Variants in ALDH5A1 observed in about 807,000 individuals in gnomAD.
ALDH5A1 encodes aldehyde dehydrogenase 5 family member A1.
Under a neutral mutation model 54.7 loss-of-function variants are expected in ALDH5A1, and 33 were observed. The observed-to-expected ratio is 0.60, with a 90% CI of 0.46 to 0.81. The LOEUF is 0.81. Ranked by LOEUF, ALDH5A1 falls within the 30% of genes least tolerant of loss-of-function variation. ALDH5A1 has a pLI of 0.00. For synonymous variants in ALDH5A1, 294 were observed against 292.7 expected, an observed-to-expected ratio of 1.00 and a Z score of -0.05; for missense variants, 657 against 711.0, an observed-to-expected ratio of 0.92 and a Z score of 0.86.
chr6:24,529,129 T>C (rs1759877041), intron 8 of ALDH5A1, among the ~76,000 whole-genome samples: 1 of 152,192 alleles, frequency 6.6e-6, no homozygotes, highest in Non-Finnish European at 1.5e-5. Flanking sequence ...GGTTCAACCC[T>C]TTGGAGATAT....
rs73386193 is a variant in ALDH5A1, at chr6:24,533,231, G to T, written c.1403-276G>T. Among the ~76,000 whole-genome samples, 11,982 of 152,256 alleles carry T rather than the reference G, an allele frequency of 0.079. 653 individuals carry two copies. Among genetic ancestry groups the T allele is most frequent in the African/African-American group, 0.15 (6,187 of 41,528 alleles). On this transcript the variant is annotated intron_variant, in intron 9 of 9. Coordinates refer to ENST00000357578, the MANE Select transcript of ALDH5A1 (RefSeq NM_001080.3). ...CGAAAGGCTTGGGCAAAAATGTCGT[G>T]TGGAAATCTAACAGGTGTGCAGGTG...
In ALDH5A1 at chr6:24,503,392, G is replaced by A. The variant is rs1319121879; in HGVS notation, c.568G>A (p.Val190Ile). The change falls in exon 3 of 10, where the codon GTC becomes ATC. Residue 190 changes from valine to isoleucine, a missense_variant. Transcript: ENST00000357578. ...CCCGGCAAAGGACAGGCGGGCCCTG[G>A]TCCTCAAGCAGCCCATAGGCGTGGC... ...HTPAKDRRAL[V>I]LKQPIGVAAV... 6.2e-7 allele frequency: 1 copy of A among 1,613,616 alleles called. No individual in the cohort carries two copies. Among genetic ancestry groups the A allele is most frequent in the Non-Finnish European group, 8.5e-7 (1 of 1,180,002 alleles).
chr6:24,505,176 T>C (rs553165116), intron 4 of ALDH5A1, among the ~76,000 whole-genome samples, 191 bp downstream of exon 4: 1 of 152,310 alleles, frequency 6.6e-6, no homozygotes, highest in South Asian at 2.1e-4. Flanking sequence ...GGATGAGGGA[T>C]CTTCTGACAT....
chr6:24,495,120 G>T lies in ALDH5A1; in HGVS notation c.124G>T (p.Ala42Ser). 2 of 1,374,872 alleles carry T rather than the reference G, an allele frequency of 1.5e-6. No individual in the cohort carries two copies. The highest frequency in any genetic ancestry group is 3.5e-5 in the Admixed American group (1 of 28,610). The allele number at this position is 1,374,872 out of a possible 1,614,324, so 85.2% of individuals were successfully genotyped here. A position where few individuals can be genotyped will look rare whatever the true frequency, so the allele number is the denominator to read the frequency against. ...TGCCTCCGGGCCTGCGCCCGGCCCG[G>T]CCCAGCTCCGCTGCTACGCTGGGCG... ...VPASGPAPGPAQLRCYAGRLA... is the reference protein window; with the variant it reads ...VPASGPAPGPSQLRCYAGRLA... The change falls in exon 1 of 10, where the codon GCC becomes TCC. Residue 42 changes from alanine to serine, a missense_variant. Ala to Ser is a moderately conservative substitution (Grantham distance 99). This residue lies in a region of ALDH5A1 where 232 missense variants were observed against 194.6 expected (regional missense o/e 1.19). Coordinates refer to ENST00000357578, the MANE Select transcript of ALDH5A1 (RefSeq NM_001080.3).
intron 5 of ALDH5A1, among the ~76,000 whole-genome samples, chr6:24,519,491 G>A (rs1428645510): frequency 6.6e-6 from 1 of 152,064 alleles, no homozygotes; most frequent in Non-Finnish European, 1.5e-5. Flanking sequence ...CTTGAACCCA[G>A]AAGGTGGAGG....
chr6:24,522,616 C>A, intron 6 of ALDH5A1, 151 bp from the exon 7 acceptor site: 2 of 872,580 alleles, frequency 2.3e-6, no homozygotes, highest in Non-Finnish European at 3.7e-6. Context: ...TCTTTGGGGC[C>A]AAGCCCACGT....
intron 7 of ALDH5A1, among the ~76,000 whole-genome samples, chr6:24,523,489 G>T (rs807516): frequency 6.6e-6 from 1 of 151,990 alleles, no homozygotes; most frequent in Admixed American, 6.5e-5. Flanking sequence ...GTCTGGTCAT[G>T]AGCTGCTATA....
At chr6:24,531,570 T>C (rs1186157776) in intron 8 of ALDH5A1, among the ~76,000 whole-genome samples, 2 of 152,130 alleles carry the variant, frequency 1.3e-5, no homozygotes, top group African/African-American at 4.8e-5. Flanking sequence ...AACAGAAAAA[T>C]ATCACTGACA....
rs202042194 is a variant in ALDH5A1, at chr6:24,510,167, G to A, written c.727-5000G>A. ...CTTTATTCCACTGTGGTCTGAGAGA[G>A]TGCTTGATATAATTTCAATTTTCTT... On this transcript the variant is annotated intron_variant, in intron 4 of 9. Transcript: ENST00000357578. Among the ~76,000 whole-genome samples, 33 of 152,226 alleles carry A rather than the reference G, an allele frequency of 2.2e-4. No individual in the cohort carries two copies. In the South Asian group the frequency reaches 5.0e-3, roughly 23 times the overall value.
rs1581800500 is a variant in ALDH5A1, at chr6:24,495,083, C to G, written c.87C>G (p.Gly29=). ...GCTGCCGCCTCCGCCCCCGCGCCGG[C>G]GGCCTGGTCCCTGCCTCCGGGCCTG... is the stretch of plus-strand genomic sequence containing the variant. The part of the protein sequence containing the change: ...FPGCRLRPRA[G]GLVPASGPAP... Residue 29 remains glycine (G), a synonymous_variant, in exon 1 of 10, where the codon GGC becomes GGG. Coordinates refer to ENST00000357578, the MANE Select transcript of ALDH5A1 (RefSeq NM_001080.3). The G allele has an allele frequency of 7.6e-7, 1 of 1,315,418 alleles. No individual in the cohort carries two copies. Among genetic ancestry groups the G allele is most frequent in the Non-Finnish European group, 9.7e-7 (1 of 1,034,470 alleles). The allele number at this position is 1,315,418 out of a possible 1,614,324, so 81.5% of individuals were successfully genotyped here.
In ALDH5A1 at chr6:24,534,431, T is replaced by C. The variant is rs1226644682; in HGVS notation, c.*719T>C. The C allele has an allele frequency of 6.6e-6, 1 of 152,532 alleles. No individual in the cohort carries two copies. The highest frequency in any genetic ancestry group is 1.9e-4 in the East Asian group (1 of 5,192). 9.4% of individuals were successfully genotyped at this position (152,532 alleles called of 1,614,324 possible). On this transcript the variant is annotated 3_prime_UTR_variant, in exon 10 of 10. Transcript: ENST00000357578. ...ATTTCCTTGAGTAAATGAGCTGAAG[T>C]GTAAAGCAAAGAATAGCAGAAGCAG...
At chr6:24,529,671 T>TTTG (rs11403426) in intron 8 of ALDH5A1, among the ~76,000 whole-genome samples, 5 of 9,692 alleles carry the variant, frequency 5.2e-4, no homozygotes, top group Non-Finnish European at 3.1e-3. Flanking sequence ...TTGGTTTGGG[T>TTTG]TTTTTTTTTT....
intron 7 of ALDH5A1, among the ~76,000 whole-genome samples, chr6:24,526,310 ACAGAATAGTC>A (rs1759796883): frequency 6.6e-6 from 1 of 152,170 alleles, no homozygotes; most frequent in East Asian, 1.9e-4. Context: ...GGAAGAACAA[ACAGAATAGTC>A]CCTGAAGGAA....
chr6:24,502,894 T>A (rs1488251031), intron 2 of ALDH5A1, among the ~76,000 whole-genome samples: 3 of 152,088 alleles, frequency 2.0e-5, no homozygotes, highest in African/African-American at 7.2e-5. Context: ...ATGTTACTGT[T>A]TTGGTTGTTT....
At chr6:24,505,417 G>A (rs1053698592) in intron 4 of ALDH5A1, among the ~76,000 whole-genome samples, 2 of 26,738 alleles carry the variant, frequency 7.5e-5, no homozygotes, top group African/African-American at 6.5e-4. Context: ...GGCTTTCAAG[G>A]TCCTATGTCA....
intron 4 of ALDH5A1, among the ~76,000 whole-genome samples, chr6:24,513,723 GCCCT>G (rs911708891): frequency 2.0e-4 from 29 of 143,630 alleles, no homozygotes; most frequent in African/African-American, 7.4e-4. Context: ...ATAGGGCAAG[GCCCT>G]CCCACTTACA....
chr6:24,504,754 G>T, intron 3 of ALDH5A1, 115 bp from the exon 4 acceptor site: 1 of 1,051,922 alleles, frequency 9.5e-7, no homozygotes, highest in Non-Finnish European at 1.5e-6. Flanking sequence ...CAGCCAAACG[G>T]GTTTGTCAAT....
chr6:24,517,629 C>T (rs951425194), intron 5 of ALDH5A1, among the ~76,000 whole-genome samples: 5 of 152,240 alleles, frequency 3.3e-5, no homozygotes, highest in African/African-American at 1.2e-4. Context: ...AAACTATCCT[C>T]ATCTAACAGG....
In ALDH5A1 at chr6:24,518,835, C is replaced by G. The variant is rs975080861; in HGVS notation, c.871-1566C>G. 6.6e-6 allele frequency among the ~76,000 whole-genome samples: 1 copy of G among 152,164 alleles called. No homozygotes were observed. Among genetic ancestry groups the G allele is most frequent in the African/African-American group, 2.4e-5 (1 of 41,436 alleles). ...ACTTGGGGGGCAATCCTAGAGCCAC[C>G]TTGGGCTTGCGAACACCGTCTGTTT... is the stretch of plus-strand genomic sequence containing the variant. On this transcript the variant is annotated intron_variant, in intron 5 of 9. Transcript: ENST00000357578. This position sits in a 1 kb window ranked among gnomAD's most constrained non-coding sequence, Gnocchi z 4.2.
Sources: allele counts gnomAD v4.1 joint callset (sites outside exome capture counted in the v4.1 genomes callset), GRCh38; gene constraint gnomAD v4.1.1; regional missense constraint gnomAD v4.1.1; non-coding constraint Gnocchi (gnomAD v3.1); transcripts MANE v1.5; gene names NCBI Gene and HGNC (gene_info 2026-07-23, HGNC 2026-07-21).